Variants in LHPP observed in about 807,000 individuals in gnomAD.
LHPP encodes the protein phospholysine phosphohistidine inorganic pyrophosphate phosphatase.
In LHPP, 24 loss-of-function variants were observed where a neutral mutation model predicts 30.3. That is an observed-to-expected ratio of 0.79 (90% CI 0.57 to 1.11). The LOEUF is 1.11. LHPP is among the 50% of genes most tolerant of loss of function. LHPP has a pLI of 0.00. For synonymous variants in LHPP, 150 were observed against 157.1 expected (o/e 0.95, Z 0.34); for missense variants, 356 against 367.2 (o/e 0.97, Z 0.25).
intron 5 of LHPP, among the ~76,000 whole-genome samples, chr10:124,512,953 C>G (rs1954344446): frequency 6.6e-6 from 1 of 152,228 alleles, no homozygotes; most frequent in African/African-American, 2.4e-5. Context: ...GACACACACT[C>G]AGTAAGACTC....
At chr10:124,564,085 T>C (rs574938204) in intron 6 of LHPP, among the ~76,000 whole-genome samples, 2 of 151,764 alleles carry the variant, frequency 1.3e-5, no homozygotes, top group South Asian at 4.2e-4. Context: ...TGGCTGGACC[T>C]ACAGGTGCAC....
At chr10:124,537,792 C>T (rs1316623693) in intron 6 of LHPP, among the ~76,000 whole-genome samples, 2 of 152,216 alleles carry the variant, frequency 1.3e-5, no homozygotes, top group Non-Finnish European at 2.9e-5. Flanking sequence ...GGAGCTCTCA[C>T]GGGTGCGAGT....
chr10:124,604,872 T>TCTGCCCCACCCTGCCCCTTCCC (rs1949071876), intron 6 of LHPP, among the ~76,000 whole-genome samples: 1 of 152,174 alleles, frequency 6.6e-6, no homozygotes, highest in African/African-American at 2.4e-5. Flanking sequence ...TGTGAGAGTC[T>TCTGCCCCACCCTGCCCCTTCCC]CTGCCCCACC....
chr10:124,539,061 CG>C (rs1179772907), intron 6 of LHPP, among the ~76,000 whole-genome samples: 10 of 152,110 alleles, frequency 6.6e-5, no homozygotes, highest in Non-Finnish European at 1.3e-4. Flanking sequence ...AGTGGTTATT[CG>C]GGGCCTCTTA....
intron 5 of LHPP, among the ~76,000 whole-genome samples, chr10:124,508,399 C>G (rs1471699314): frequency 6.6e-6 from 1 of 152,156 alleles, no homozygotes; most frequent in Non-Finnish European, 1.5e-5. Context: ...TCCTGCAGCC[C>G]TGGTTTGAAT....
chr10:124,560,165 G>A (rs1159467624), intron 6 of LHPP, among the ~76,000 whole-genome samples: 2 of 152,360 alleles, frequency 1.3e-5, no homozygotes. Flanking sequence ...TATATGGAGA[G>A]AGGACTCTTT....
chr10:124,462,618 G>C (rs566474216), intron 1 of LHPP, among the ~76,000 whole-genome samples: 2 of 152,316 alleles, frequency 1.3e-5, no homozygotes, highest in African/African-American at 4.8e-5. Context: ...AAAAACACCA[G>C]ACTTCGTGAG....
chr10:124,577,727 C>T (rs1330404284), intron 6 of LHPP, among the ~76,000 whole-genome samples: 2 of 97,572 alleles, frequency 2.0e-5, no homozygotes, highest in Non-Finnish European at 5.1e-5. Context: ...TGTGTGCACA[C>T]ATATGCACAT....
chr10:124,481,345 G>A (rs1487668212), intron 1 of LHPP, among the ~76,000 whole-genome samples: 1 of 151,346 alleles, frequency 6.6e-6, no homozygotes, highest in Non-Finnish European at 1.5e-5. Context: ...TCTCACTGGT[G>A]GGGAATCGTG....
At chr10:124,577,868 G>A (rs912544573) in intron 6 of LHPP, among the ~76,000 whole-genome samples, 13 of 152,088 alleles carry the variant, frequency 8.5e-5, no homozygotes, top group African/African-American at 2.9e-4. Flanking sequence ...CTCCTTGTGT[G>A]ACCTCTCAGC....
At chr10:124,572,762 G>T (rs959784916) in intron 6 of LHPP, among the ~76,000 whole-genome samples, 3 of 151,980 alleles carry the variant, frequency 2.0e-5, no homozygotes. Flanking sequence ...GGAGGGCTCT[G>T]TTCACATAAT....
intron 6 of LHPP, among the ~76,000 whole-genome samples, chr10:124,610,235 C>T (rs1483318355): frequency 6.6e-6 from 1 of 152,226 alleles, no homozygotes; most frequent in Non-Finnish European, 1.5e-5. Context: ...CAGAATGACA[C>T]ACACAAGACA....
intron 6 of LHPP, chr10:124,613,039 T>G: frequency 1.7e-6 from 1 of 574,208 alleles, no homozygotes; most frequent in Non-Finnish European, 3.1e-6. Flanking sequence ...GGGAGACAGG[T>G]TTGGGGAGGT....
chr10:124,525,116 C>T (rs185542481), intron 6 of LHPP, among the ~76,000 whole-genome samples: 35 of 152,262 alleles, frequency 2.3e-4, no homozygotes, highest in African/African-American at 7.5e-4. Flanking sequence ...TCCAACATGG[C>T]GCTGGCTCTT....
chr10:124,534,558 G>A (rs192696637), intron 6 of LHPP, among the ~76,000 whole-genome samples: 218 of 152,300 alleles, frequency 1.4e-3, no homozygotes, highest in Middle Eastern at 6.8e-3. Flanking sequence ...GACCTGCCTG[G>A]GCCACTTCAC....
intron 1 of LHPP, among the ~76,000 whole-genome samples, chr10:124,472,251 TG>T (rs1952801373): frequency 6.6e-6 from 1 of 151,992 alleles, no homozygotes; most frequent in African/African-American, 2.4e-5. Context: ...AGGCAGAGGC[TG>T]GGGTGAGCCA....
chr10:124,493,906 C>G (rs1953617927), intron 3 of LHPP: 1 of 152,122 alleles, frequency 6.6e-6, no homozygotes, highest in Non-Finnish European at 1.5e-5. Flanking sequence ...AAAATGTTTC[C>G]AGGTAACAGT....
At chr10:124,586,504 C>T (rs1200784125) in intron 6 of LHPP, among the ~76,000 whole-genome samples, 2 of 152,210 alleles carry the variant, frequency 1.3e-5, no homozygotes, top group African/African-American at 4.8e-5. Flanking sequence ...GGGGAAGACA[C>T]AAACTCAGCA....
rs910242972 is a variant in LHPP, at chr10:124,523,324, G to A, written c.716+6053G>A. Among the ~76,000 whole-genome samples, 8 of 152,302 alleles carry A rather than the reference G, an allele frequency of 5.3e-5. No homozygotes were observed. The highest frequency in any genetic ancestry group is 2.1e-4 in the South Asian group (1 of 4,830). On this transcript the variant is annotated intron_variant, in intron 6 of 6. Transcript: ENST00000368842. The surrounding 1 kb of genome is among the most constrained non-coding windows in gnomAD (Gnocchi z 4.2). ...TTTCCCCCCAGTGGGGTGGCCAGCC[G>A]ATCTAGGATTCCAGCCGCCTTGCAC...
Sources: gnomAD v4.1 joint callset for allele counts (sites outside exome capture counted in the v4.1 genomes callset) on GRCh38, gnomAD v4.1.1 for gene constraint, Gnocchi (gnomAD v3.1) non-coding constraint, MANE v1.5 for transcripts, NCBI Gene and HGNC (gene_info 2026-07-23, HGNC 2026-07-21) for gene names.